Variants in GABRA3 observed in about 807,000 individuals in gnomAD.
GABRA3 encodes the protein gamma-aminobutyric acid receptor subunit alpha-3.
GABRA3 carries 10 observed loss-of-function variants against 30.1 expected under a neutral mutation model. That is an observed-to-expected ratio of 0.33 (90% CI 0.20 to 0.56). The LOEUF is 0.56. Ranked by LOEUF, GABRA3 falls within the 20% of genes least tolerant of loss-of-function variation. The pLI is 0.89. For synonymous variants in GABRA3, 151 were observed against 146.8 expected (o/e 1.03, Z -0.21); for missense variants, 233 against 392.0 (o/e 0.59, Z 3.42).
At chrX:152,440,545 T>C (rs189492211) in intron 1 of GABRA3, among the ~76,000 whole-genome samples, 2 of 112,402 alleles carry the variant, frequency 1.8e-5, no homozygotes, top group South Asian at 3.7e-4. Flanking sequence ...TTTTAAATCA[T>C]GCTACTATAA....
chrX:152,170,131 G>A (rs533246149), intron 9 of GABRA3, among the ~76,000 whole-genome samples: 37 of 112,078 alleles, frequency 3.3e-4, no homozygotes, highest in African/African-American at 1.1e-3. Flanking sequence ...TTAAGCACAC[G>A]ATTGCCATTG....
At chrX:152,261,743 G>A (rs192624070) in intron 4 of GABRA3, among the ~76,000 whole-genome samples, 115 of 111,830 alleles carry the variant, frequency 1.0e-3, no homozygotes, top group Non-Finnish European at 1.0e-3. Context: ...GCTTTTCCAG[G>A]TGCATGGTGC....
In GABRA3 at chrX:152,202,487, C is replaced by G. The variant is rs145099925; in HGVS notation, c.779-4702G>C. Among the ~76,000 whole-genome samples, 318 of 111,348 alleles carry G rather than the reference C, an allele frequency of 2.9e-3. 1 individual carries two copies. Among genetic ancestry groups the G allele is most frequent in the African/African-American group, 9.6e-3 (294 of 30,555 alleles). Reference sequence around the variant, plus strand: ...CAATTAACAGCCTCTTGTGTATCTTCCTAGAAAGATTATGTGTGTGTGTGT... The same window carrying G: ...CAATTAACAGCCTCTTGTGTATCTTGCTAGAAAGATTATGTGTGTGTGTGT... On this transcript the variant is annotated intron_variant, in intron 7 of 9. Coordinates refer to ENST00000370314, the MANE Select transcript of GABRA3 (RefSeq NM_000808.4).
At chrX:152,188,790 T>C (rs1387366855) in intron 9 of GABRA3, among the ~76,000 whole-genome samples, 1 of 111,999 alleles carries the variant, frequency 8.9e-6, no homozygotes, top group Non-Finnish European at 1.9e-5. Flanking sequence ...TTATCGTTTC[T>C]CTTCTCCATG....
intron 1 of GABRA3, among the ~76,000 whole-genome samples, chrX:152,414,499 A>G (rs914029984): frequency 9.0e-6 from 1 of 111,346 alleles, no homozygotes; most frequent in Non-Finnish European, 1.9e-5. Context: ...ACTTTCATCT[A>G]TTACAGTGGC....
At chrX:152,257,485 T>C (rs751010775) in intron 4 of GABRA3, among the ~76,000 whole-genome samples, 1 of 113,064 alleles carries the variant, frequency 8.8e-6, no homozygotes, top group African/African-American at 3.2e-5. Flanking sequence ...AACTTTTCCT[T>C]GCCATAAGCT....
At chrX:152,374,347 T>C (rs1241657545) in intron 1 of GABRA3, among the ~76,000 whole-genome samples, 5 of 89,227 alleles carry the variant, frequency 5.6e-5, no homozygotes, top group Admixed American at 3.8e-4. Context: ...CTTTTTTTTT[T>C]TTTTTTTTTT....
chrX:152,278,233 A>T (rs1243526652), intron 4 of GABRA3, among the ~76,000 whole-genome samples: 1 of 108,439 alleles, frequency 9.2e-6, no homozygotes, highest in African/African-American at 3.4e-5. Context: ...AACATTAGGT[A>T]TATCTCCTAA....
chrX:152,173,193 C>A (rs991434683), intron 9 of GABRA3, among the ~76,000 whole-genome samples: 1 of 109,209 alleles, frequency 9.2e-6, no homozygotes, highest in African/African-American at 3.3e-5. Context: ...AGAGAAAATG[C>A]AGATGGAAGA....
intron 1 of GABRA3, among the ~76,000 whole-genome samples, chrX:152,384,895 T>C (rs987793690): frequency 9.0e-6 from 1 of 110,519 alleles, no homozygotes; most frequent in African/African-American, 3.3e-5. Context: ...TACAACATCA[T>C]AAGAAAAAGA....
chrX:152,256,397 G>C (rs972337619), intron 4 of GABRA3, among the ~76,000 whole-genome samples: 2 of 110,734 alleles, frequency 1.8e-5, no homozygotes, highest in Non-Finnish European at 3.8e-5. Flanking sequence ...TATAAAAATC[G>C]CCACAAAACC....
chrX:152,210,389 A>G (rs773712977), intron 6 of GABRA3, among the ~76,000 whole-genome samples: 38 of 111,978 alleles, frequency 3.4e-4, no homozygotes, highest in Non-Finnish European at 6.0e-4. Flanking sequence ...CCTCATTTCT[A>G]CTGGGAGCTC....
At chrX:152,345,065 G>A (rs1194939485) in intron 3 of GABRA3, among the ~76,000 whole-genome samples, 1 of 111,329 alleles carries the variant, frequency 9.0e-6, no homozygotes, top group East Asian at 2.8e-4. Context: ...CCTTTTTGGA[G>A]TGTCAGGCTG....
rs1276793768 is a variant in GABRA3 at position 152,167,509 on chromosome X, GGAA to G, written c.*716_*718del. ...CTACAAGGGTGCCAAAGGCAGTGGG[GGAA>G]GAAGATTTTCTGGAGGAGAGATGTA... On this transcript the variant is annotated 3_prime_UTR_variant, in exon 10 of 10. Coordinates refer to ENST00000370314, the MANE Select transcript of GABRA3 (RefSeq NM_000808.4). The G allele has an allele frequency of 2.7e-5, 3 of 111,857 alleles. No homozygotes were observed. Among genetic ancestry groups the G allele is most frequent in the Admixed American group, 1.9e-4 (2 of 10,604 alleles). 9.2% of individuals were successfully genotyped at this position (111,857 alleles called of 1,213,427 possible). A position where few individuals can be genotyped will look rare whatever the true frequency, so the allele number is the denominator to read the frequency against.
intron 7 of GABRA3, among the ~76,000 whole-genome samples, chrX:152,203,535 T>C (rs1481327187): frequency 1.8e-5 from 2 of 112,091 alleles, no homozygotes; most frequent in Non-Finnish European, 3.8e-5. Context: ...ACTTGTTGGC[T>C]TCAAACAGCA....
intron 3 of GABRA3, among the ~76,000 whole-genome samples, chrX:152,337,404 C>CT (rs1940249627): frequency 8.9e-6 from 1 of 111,820 alleles, no homozygotes; most frequent in Admixed American, 9.5e-5. Flanking sequence ...AATCTACTCT[C>CT]TAACTCCATG....
intron 9 of GABRA3, among the ~76,000 whole-genome samples, chrX:152,172,774 T>C (rs1169307439): frequency 1.8e-5 from 2 of 111,552 alleles, no homozygotes; most frequent in Non-Finnish European, 3.8e-5. Context: ...GAAAGTAGAA[T>C]GGTGGGTGCT....
chrX:152,420,195 C>T (rs1018305653), intron 1 of GABRA3, among the ~76,000 whole-genome samples: 8 of 111,221 alleles, frequency 7.2e-5, no homozygotes, highest in Non-Finnish European at 1.3e-4. Context: ...TGAGAAATTT[C>T]CCCCAAGGTC....
chrX:152,276,535 A>T (rs1009992061), intron 4 of GABRA3, among the ~76,000 whole-genome samples: 5 of 111,934 alleles, frequency 4.5e-5, no homozygotes, highest in Admixed American at 9.6e-5. Context: ...TAAAGAAATT[A>T]AAAAATGTTC....
Sources: gnomAD v4.1 joint callset for allele counts (sites outside exome capture counted in the v4.1 genomes callset) on GRCh38, gnomAD v4.1.1 for gene constraint, MANE v1.5 for transcripts, NCBI Gene and HGNC (gene_info 2026-07-23, HGNC 2026-07-21) for gene names.